Variants in NDUFAF2 observed in about 807,000 individuals in gnomAD.
NDUFAF2 encodes the protein NADH:ubiquinone oxidoreductase complex assembly factor 2, also known as NADH dehydrogenase [ubiquinone] 1 alpha subcomplex assembly factor 2.
NDUFAF2 carries 13 observed loss-of-function variants against 22.8 expected under a neutral mutation model. That is an observed-to-expected ratio of 0.57 (90% CI 0.37 to 0.91). The LOEUF is 0.91. NDUFAF2 is among the 40% of genes least tolerant of loss of function. The probability of loss-of-function intolerance (pLI) is 0.01; values close to 1 mark genes in which losing one functional copy is unlikely to be tolerated. For missense variants in NDUFAF2, 162 were observed against 195.2 expected (o/e 0.83, Z 1.01); for synonymous variants, 53 against 64.2 (o/e 0.83, Z 0.84).
intron 1 of NDUFAF2, among the ~76,000 whole-genome samples, chr5:61,022,743 C>T (rs539676031): frequency 2.0e-4 from 31 of 152,282 alleles, no homozygotes; most frequent in African/African-American, 7.5e-4. Context: ...CTCCCAGGTT[C>T]AAGCGATTCT....
intron 1 of NDUFAF2, among the ~76,000 whole-genome samples, chr5:60,955,546 C>T (rs1275499553): frequency 6.6e-6 from 1 of 152,118 alleles, no homozygotes; most frequent in East Asian, 1.9e-4. Flanking sequence ...TTTGGCTACT[C>T]AGTGTCTTCT....
chr5:60,953,030 G>A (rs1750569016), intron 1 of NDUFAF2, among the ~76,000 whole-genome samples: 1 of 152,064 alleles, frequency 6.6e-6, no homozygotes, highest in Non-Finnish European at 1.5e-5. Context: ...AGGGGTAAAG[G>A]TCATTTTGCA....
intron 1 of NDUFAF2, among the ~76,000 whole-genome samples, chr5:61,021,935 T>G (rs1182186076): frequency 6.6e-6 from 1 of 152,176 alleles, no homozygotes; most frequent in Non-Finnish European, 1.5e-5. Context: ...GCAAGAGACC[T>G]AGGGAAAAAT....
intron 1 of NDUFAF2, among the ~76,000 whole-genome samples, chr5:61,005,764 G>T (rs141958433): frequency 6.6e-6 from 1 of 151,822 alleles, no homozygotes; most frequent in African/African-American, 2.4e-5. Context: ...TGTTCATATC[G>T]TTTGCCCACT....
chr5:60,945,405 G>T, intron 1 of NDUFAF2, 23 bp downstream of exon 1: 1 of 1,614,182 alleles, frequency 6.2e-7, no homozygotes, highest in Non-Finnish European at 8.5e-7. Context: ...CGTGGGCAGC[G>T]ATTGCGTGGT....
At chr5:60,984,566 C>G (rs1488370794) in intron 1 of NDUFAF2, among the ~76,000 whole-genome samples, 2 of 152,072 alleles carry the variant, frequency 1.3e-5, no homozygotes, top group Non-Finnish European at 2.9e-5. Context: ...TTTTGAGATA[C>G]GTCCCATCAA....
At chr5:61,116,501 T>C (rs1194033023) in intron 3 of NDUFAF2, 1 of 152,168 alleles carries the variant, frequency 6.6e-6, no homozygotes, top group African/African-American at 2.4e-5. Context: ...TCTATTCAAT[T>C]TCCTGTAACA....
chr5:61,040,286 A>ACACACACACACGCGCGCGCGCGCGCG (rs1491193758), intron 1 of NDUFAF2, among the ~76,000 whole-genome samples: 4 of 93,074 alleles, frequency 4.3e-5, no homozygotes, highest in African/African-American at 1.7e-4. Context: ...ACACACACAC[A>ACACACACACACGCGCGCGCGCGCGCG]CGCGCGCGCG....
At chr5:61,015,854 T>G (rs1378908785) in intron 1 of NDUFAF2, among the ~76,000 whole-genome samples, 1 of 152,168 alleles carries the variant, frequency 6.6e-6, no homozygotes, top group East Asian at 1.9e-4. Flanking sequence ...ATGGATTATA[T>G]TTTAACAATT....
At chr5:61,049,156 A>G (rs1338718288) in intron 1 of NDUFAF2, among the ~76,000 whole-genome samples, 1 of 152,184 alleles carries the variant, frequency 6.6e-6, no homozygotes, top group Non-Finnish European at 1.5e-5. Flanking sequence ...ATTATATACT[A>G]TTTGAGTCAA....
At chr5:60,951,317 C>T (rs1026111545) in intron 1 of NDUFAF2, among the ~76,000 whole-genome samples, 8 of 152,178 alleles carry the variant, frequency 5.3e-5, no homozygotes, top group Non-Finnish European at 8.8e-5. Flanking sequence ...AGGAGTAAAC[C>T]AGATGCCTGG....
intron 1 of NDUFAF2, among the ~76,000 whole-genome samples, chr5:61,007,714 C>T (rs1447782531): frequency 6.6e-6 from 1 of 152,128 alleles, no homozygotes; most frequent in South Asian, 2.1e-4. Context: ...GGACTGTAAA[C>T]TAGTTCAACC....
chr5:61,045,065 A>AAT (rs1561549989), intron 1 of NDUFAF2, among the ~76,000 whole-genome samples: 1 of 91,152 alleles, frequency 1.1e-5, no homozygotes, highest in African/African-American at 3.9e-5. Context: ...AGTAAAATAA[A>AAT]GTTTTATTAA....
chr5:60,945,999 G>T (rs4647028), intron 1 of NDUFAF2, among the ~76,000 whole-genome samples: 30,282 of 152,082 alleles, frequency 0.2, 3,585 homozygotes, highest in Non-Finnish European at 0.26. Context: ...TTCCTTTCTC[G>T]GGAGTTGACA....
At chr5:61,130,732 A>G (rs1028027142) in intron 3 of NDUFAF2, among the ~76,000 whole-genome samples, 3 of 152,132 alleles carry the variant, frequency 2.0e-5, no homozygotes, top group African/African-American at 7.2e-5. Flanking sequence ...GTAGGCCCCA[A>G]AAAGGAAGAC....
intron 1 of NDUFAF2, among the ~76,000 whole-genome samples, chr5:61,049,832 A>G (rs2111696781): frequency 6.6e-6 from 1 of 151,826 alleles, no homozygotes; most frequent in Non-Finnish European, 1.5e-5. Flanking sequence ...ATATATATAA[A>G]TACACACATA....
intron 2 of NDUFAF2, among the ~76,000 whole-genome samples, chr5:61,079,999 G>C (rs1209052472): frequency 6.6e-6 from 1 of 152,130 alleles, no homozygotes; most frequent in Non-Finnish European, 1.5e-5. Flanking sequence ...TTGTTTTGAA[G>C]ATTGTTGTTT....
At chr5:61,110,310 T>G in intron 3 of NDUFAF2, among the ~76,000 whole-genome samples, 1 of 152,014 alleles carries the variant, frequency 6.6e-6, no homozygotes, top group East Asian at 1.9e-4. Flanking sequence ...TGTCTGCTTT[T>G]GATATCAGAC....
chr5:60,952,811 A>G (rs2112563461), intron 1 of NDUFAF2, among the ~76,000 whole-genome samples: 1 of 152,184 alleles, frequency 6.6e-6, no homozygotes, highest in East Asian at 1.9e-4. Flanking sequence ...ACAAGTTTAC[A>G]TTTGTCTTTT....
Sources: gnomAD v4.1 joint callset for allele counts (sites outside exome capture counted in the v4.1 genomes callset) on GRCh38, gnomAD v4.1.1 for gene constraint, MANE v1.5 for transcripts, NCBI Gene and HGNC (gene_info 2026-07-23, HGNC 2026-07-21) for gene names.